Variants in HCN1 observed in about 807,000 individuals in gnomAD.
The protein encoded by HCN1 is hyperpolarization activated cyclic nucleotide gated potassium channel 1.
A neutral mutation model predicts 78.9 loss-of-function variants in HCN1; 13 were observed. The observed-to-expected ratio is 0.16, with a 90% CI of 0.11 to 0.26. The LOEUF (loss-of-function observed/expected upper bound fraction) is 0.26. Among genes scored for constraint, HCN1 ranks in the 10% least tolerant of loss-of-function variants. HCN1 has a pLI of 1.00. For missense variants in HCN1, 810 were observed against 1,154.3 expected (o/e 0.70, Z 4.32); for synonymous variants, 552 against 455.5 (o/e 1.21, Z -2.70).
chr5:45,310,757 T>TA (rs1338629651), intron 5 of HCN1, among the ~76,000 whole-genome samples: 15 of 152,112 alleles, frequency 9.9e-5, no homozygotes, highest in African/African-American at 3.4e-4. Flanking sequence ...AGACATGGAA[T>TA]CAACCCAAAT....
At chr5:45,654,823 G>A (rs1310244759) in intron 1 of HCN1, among the ~76,000 whole-genome samples, 2 of 152,124 alleles carry the variant, frequency 1.3e-5, no homozygotes, top group Admixed American at 1.3e-4. Flanking sequence ...ACATGGCTAA[G>A]TTAAAGTTTA....
At chr5:45,329,277 A>G (rs751870220) in intron 5 of HCN1, among the ~76,000 whole-genome samples, 2 of 151,436 alleles carry the variant, frequency 1.3e-5, no homozygotes, top group African/African-American at 4.8e-5. Flanking sequence ...CCCCTTCCCC[A>G]GCCCCTGGTA....
In HCN1 at chr5:45,261,889, G is replaced by A. The variant is rs764848542; in HGVS notation, c.*32C>T. 6 of 1,612,498 alleles carry A rather than the reference G, an allele frequency of 3.7e-6. No homozygotes were observed. Among genetic ancestry groups the A allele is most frequent in the Non-Finnish European group, 5.1e-6 (6 of 1,178,988 alleles). ...CTGAGTATAGTCTCAGTTTATGAGA[G>A]TATTTCTTTCTGCTTTGACAATCAG... On this transcript the variant is annotated 3_prime_UTR_variant, in exon 8 of 8. Transcript: ENST00000303230.
In HCN1 at chr5:45,353,235, C is replaced by T; in HGVS notation, c.1242G>A (p.Val414=). Residue 414 remains valine (V), a synonymous_variant, in exon 5 of 8, where the codon GTG becomes GTA. Coordinates refer to ENST00000303230, the MANE Select transcript of HCN1 (RefSeq NM_021072.4). ...RRQYQEKYKQ[V]EQYMSFHKLP... is the part of the protein sequence containing the mutation. ...ACTTATGGAATGACATGTATTGTTC[C>T]ACTTGCTTATACTGTAAGGAAGGGA... The T allele has an allele frequency of 6.2e-7, 1 of 1,601,618 alleles. No homozygotes were observed. Among genetic ancestry groups the T allele is most frequent in the Non-Finnish European group, 8.5e-7 (1 of 1,169,814 alleles).
intron 1 of HCN1, among the ~76,000 whole-genome samples, chr5:45,682,274 T>TATATATATATATATACAC (rs1561243543): frequency 1.9e-5 from 2 of 105,688 alleles, no homozygotes; most frequent in South Asian, 3.0e-4. Flanking sequence ...TATATATACA[T>TATATATATATATATACAC]ATATATATAT....
intron 2 of HCN1, among the ~76,000 whole-genome samples, chr5:45,511,282 T>A (rs1318291136): frequency 6.6e-6 from 1 of 152,000 alleles, no homozygotes; most frequent in Non-Finnish European, 1.5e-5. Context: ...AATAAAAATA[T>A]CCTGTGCAGA....
At chr5:45,274,573 T>C (rs1466437354) in intron 6 of HCN1, among the ~76,000 whole-genome samples, 1 of 152,198 alleles carries the variant, frequency 6.6e-6, no homozygotes, top group African/African-American at 2.4e-5. Context: ...TTAATTTCCT[T>C]CCTTTTTCCC....
At chr5:45,332,239 T>G (rs2111953531) in intron 5 of HCN1, among the ~76,000 whole-genome samples, 1 of 151,634 alleles carries the variant, frequency 6.6e-6, no homozygotes, top group Admixed American at 6.6e-5. Context: ...CATGAGATAT[T>G]TTGGTACAGT....
chr5:45,348,515 G>A (rs973888787), intron 5 of HCN1, among the ~76,000 whole-genome samples: 5 of 151,982 alleles, frequency 3.3e-5, no homozygotes, highest in Non-Finnish European at 7.4e-5. Flanking sequence ...CACACATAAC[G>A]ATATTAACTT....
intron 3 of HCN1, among the ~76,000 whole-genome samples, chr5:45,403,392 A>G (rs1262233756): frequency 6.6e-6 from 1 of 152,188 alleles, no homozygotes; most frequent in Non-Finnish European, 1.5e-5. Context: ...TTATAAAGGA[A>G]AGTGGTTTAA....
intron 3 of HCN1, among the ~76,000 whole-genome samples, chr5:45,432,572 T>C (rs548987768): frequency 1.3e-5 from 2 of 152,242 alleles, no homozygotes; most frequent in Admixed American, 1.3e-4. Context: ...CAGTTTTCAT[T>C]GGGAATACTT....
intron 1 of HCN1, among the ~76,000 whole-genome samples, chr5:45,694,178 T>G (rs142590802): frequency 1.2e-4 from 18 of 152,358 alleles, no homozygotes; most frequent in African/African-American, 3.8e-4. Context: ...ACATTTTCTT[T>G]TTTTTAAAAT....
chr5:45,308,402 T>G (rs1181091054), intron 5 of HCN1, among the ~76,000 whole-genome samples: 1 of 152,172 alleles, frequency 6.6e-6, no homozygotes, highest in Non-Finnish European at 1.5e-5. Context: ...TAATTACTGC[T>G]CTTCATAGTT....
At chr5:45,461,588 T>C (rs1741158982) in intron 3 of HCN1, among the ~76,000 whole-genome samples, 1 of 152,134 alleles carries the variant, frequency 6.6e-6, no homozygotes, top group Non-Finnish European at 1.5e-5. Context: ...TGAAATAAGA[T>C]ATGCCTCAGT....
chr5:45,498,810 C>T (rs1046428157), intron 2 of HCN1, among the ~76,000 whole-genome samples: 3 of 152,056 alleles, frequency 2.0e-5, no homozygotes, highest in Non-Finnish European at 4.4e-5. Context: ...CAGACAGGAC[C>T]CTCAGCTGCA....
chr5:45,297,255 T>C (rs1745515759), intron 6 of HCN1, among the ~76,000 whole-genome samples: 1 of 152,134 alleles, frequency 6.6e-6, no homozygotes, highest in Non-Finnish European at 1.5e-5. Flanking sequence ...AGATCGCTCA[T>C]GCTATTGTTT....
At chr5:45,413,153 T>C (rs1740055794) in intron 3 of HCN1, among the ~76,000 whole-genome samples, 1 of 151,976 alleles carries the variant, frequency 6.6e-6, no homozygotes, top group South Asian at 2.1e-4. Flanking sequence ...ATTTGGGGAA[T>C]AAAAAGTTTT....
chr5:45,436,876 G>T (rs1561154518), intron 3 of HCN1, among the ~76,000 whole-genome samples: 1 of 152,088 alleles, frequency 6.6e-6, no homozygotes, highest in Non-Finnish European at 1.5e-5. Context: ...TCATTTTACA[G>T]ATGAGCAAAA....
chr5:45,365,462 CTGAGG>C (rs1747215673), intron 4 of HCN1, among the ~76,000 whole-genome samples: 1 of 151,952 alleles, frequency 6.6e-6, no homozygotes, highest in Non-Finnish European at 1.5e-5. Flanking sequence ...TTTTCTGCCT[CTGAGG>C]TATTTCACTT....
Sources: gnomAD v4.1 joint callset for allele counts (sites outside exome capture counted in the v4.1 genomes callset) on GRCh38, gnomAD v4.1.1 for gene constraint, MANE v1.5 for transcripts, NCBI Gene and HGNC (gene_info 2026-07-23, HGNC 2026-07-21) for gene names.